RAD51B: variants seen among roughly 807,000 people sequenced by gnomAD.
RAD51B encodes DNA repair protein RAD51 homolog 2.
RAD51B carries 38 observed loss-of-function variants against 42.2 expected under a neutral mutation model. That is an observed-to-expected ratio of 0.90 (90% CI 0.70 to 1.18). RAD51B has a LOEUF of 1.18. Among genes scored for constraint, RAD51B ranks in the 50% most tolerant of loss-of-function variants. RAD51B has a pLI of 0.00. For missense variants in RAD51B, 373 were observed against 400.7 expected (o/e 0.93, Z 0.59); for synonymous variants, 154 against 145.2 (o/e 1.06, Z -0.43).
intron 7 of RAD51B, among the ~76,000 whole-genome samples, chr14:67,921,725 A>C (rs1365583605): frequency 6.6e-6 from 1 of 152,158 alleles, no homozygotes; most frequent in Non-Finnish European, 1.5e-5. Context: ...CTGAAAAAAC[A>C]AAAAACAAAA....
chr14:68,072,095 A>AAT (rs2076757645), intron 7 of RAD51B, among the ~76,000 whole-genome samples: 1 of 124,048 alleles, frequency 8.1e-6, no homozygotes, highest in Admixed American at 8.2e-5. Flanking sequence ...ATAAATATAT[A>AAT]ATATATAAAA....
chr14:67,940,055 T>TATATATATATATATA (rs1342389102), intron 7 of RAD51B, among the ~76,000 whole-genome samples: 78 of 8,662 alleles, frequency 9.0e-3, no homozygotes, highest in Non-Finnish European at 0.012. Flanking sequence ...TATATATATA[T>TATATATATATATATA]TTTTTTTTTT....
chr14:68,203,862 A>G (rs1396209423), intron 7 of RAD51B, among the ~76,000 whole-genome samples: 3 of 152,190 alleles, frequency 2.0e-5, no homozygotes, highest in Non-Finnish European at 4.4e-5. Context: ...CTAACTTCCA[A>G]CTTTTCTTCT....
intron 11 of RAD51B, chr14:68,682,802 G>GCTCC (rs1466172622): frequency 6.0e-6 from 2 of 331,108 alleles, no homozygotes; most frequent in African/African-American, 4.5e-5. Flanking sequence ...AAAAAGTGGG[G>GCTCC]AGAGGGCGGG....
chr14:68,045,236 C>CAAAAAAAAAAAAAAAAAAAA (rs537073885), intron 7 of RAD51B, among the ~76,000 whole-genome samples: 2 of 22,080 alleles, frequency 9.1e-5, no homozygotes, highest in Non-Finnish European at 1.7e-4. Context: ...AACTCTGTCT[C>CAAAAAAAAAAAAAAAAAAAA]AAAAAAAAAA....
intron 11 of RAD51B, among the ~76,000 whole-genome samples, chr14:68,656,638 T>A (rs1187866914): frequency 6.6e-6 from 1 of 152,212 alleles, no homozygotes; most frequent in Non-Finnish European, 1.5e-5. Context: ...CAGGGTCCTA[T>A]AATTGAAAAG....
At chr14:68,569,962 G>A (rs1475718849) in intron 10 of RAD51B, among the ~76,000 whole-genome samples, 5 of 152,236 alleles carry the variant, frequency 3.3e-5, no homozygotes, top group Admixed American at 3.3e-4. Context: ...TGTGAACCAG[G>A]CCTGATGTTA....
chr14:67,907,438 T>C (rs1044365795), intron 7 of RAD51B, among the ~76,000 whole-genome samples: 1 of 152,116 alleles, frequency 6.6e-6, no homozygotes, highest in African/African-American at 2.4e-5. Flanking sequence ...TCATGGTTTG[T>C]GTGGGTGAGT....
intron 7 of RAD51B, among the ~76,000 whole-genome samples, chr14:68,148,719 G>A (rs2078308945): frequency 6.6e-6 from 1 of 152,190 alleles, no homozygotes; most frequent in Admixed American, 6.5e-5. Flanking sequence ...TGTGGTCAAA[G>A]GGTAAACAAT....
chr14:68,258,823 A>G (rs2139532357), intron 7 of RAD51B, among the ~76,000 whole-genome samples: 1 of 152,320 alleles, frequency 6.6e-6, no homozygotes, highest in Admixed American at 6.5e-5. Flanking sequence ...GTCTTAAGGA[A>G]TAAACACCCA....
At chr14:68,331,381 A>AAAAAAAAAAAAAAAAAAAAAAAAAAAC in intron 8 of RAD51B, among the ~76,000 whole-genome samples, 1 of 148,652 alleles carries the variant, frequency 6.7e-6, no homozygotes. Context: ...AAAAAAAAAA[A>AAAAAAAAAAAAAAAAAAAAAAAAAAAC]AAAAGCAATG....
chr14:68,029,549 A>G (rs1025716775), intron 7 of RAD51B, among the ~76,000 whole-genome samples: 1 of 152,228 alleles, frequency 6.6e-6, no homozygotes, highest in African/African-American at 2.4e-5. Context: ...GCAACAATTC[A>G]ATCGTATCTT....
intron 7 of RAD51B, among the ~76,000 whole-genome samples, chr14:68,135,111 G>A (rs1279817411): frequency 6.6e-6 from 1 of 152,100 alleles, no homozygotes; most frequent in African/African-American, 2.4e-5. Flanking sequence ...TAAAACCATT[G>A]AGTACATAGT....
At chr14:68,315,515 G>T (rs1389236449) in intron 8 of RAD51B, among the ~76,000 whole-genome samples, 6 of 151,630 alleles carry the variant, frequency 4.0e-5, no homozygotes. Flanking sequence ...AAAACTTTAG[G>T]TTTTTTTTCT....
chr14:68,340,659 G>T (rs549137320), intron 8 of RAD51B, among the ~76,000 whole-genome samples: 2 of 152,124 alleles, frequency 1.3e-5, no homozygotes, highest in Non-Finnish European at 2.9e-5. Flanking sequence ...GTGCACATGC[G>T]TGCATATTAC....
chr14:68,625,597 C>T (rs948301113), intron 10 of RAD51B, among the ~76,000 whole-genome samples: 4 of 152,174 alleles, frequency 2.6e-5, no homozygotes, highest in Non-Finnish European at 4.4e-5. Flanking sequence ...TTTGGCCTCC[C>T]GAGTAGCTGG....
intron 7 of RAD51B, among the ~76,000 whole-genome samples, chr14:67,980,872 C>T (rs79857432): frequency 1.3e-5 from 2 of 152,178 alleles, no homozygotes; most frequent in East Asian, 3.9e-4. Context: ...CATAAAAGAA[C>T]AAATTGATAA....
chr14:68,618,091 C>CA (rs1487367721), intron 10 of RAD51B, among the ~76,000 whole-genome samples: 1 of 152,190 alleles, frequency 6.6e-6, no homozygotes, highest in Non-Finnish European at 1.5e-5. Flanking sequence ...ATCTGCAAGC[C>CA]ATGCAGGAAC....
chr14:68,082,212 G>A (rs1363823325), intron 7 of RAD51B, among the ~76,000 whole-genome samples: 1 of 151,954 alleles, frequency 6.6e-6, no homozygotes, highest in African/African-American at 2.4e-5. Context: ...TGCCTGCCTC[G>A]GCCTCCCAAA....
Sources: allele counts gnomAD v4.1 joint callset (sites outside exome capture counted in the v4.1 genomes callset), GRCh38; gene constraint gnomAD v4.1.1; transcripts MANE v1.5; gene names NCBI Gene and HGNC (gene_info 2026-07-23, HGNC 2026-07-21).